ANO4: variants seen among roughly 807,000 people sequenced by gnomAD.
ANO4 encodes the protein anoctamin-4.
In ANO4, 69 loss-of-function variants were observed where a neutral mutation model predicts 141.9. The ratio of observed to expected loss-of-function variants is 0.49; its 90% CI spans 0.40 to 0.59. The LOEUF is 0.59. Ranked by LOEUF, ANO4 falls within the 20% of genes least tolerant of loss-of-function variation. The pLI is 0.00. For synonymous variants in ANO4, 350 were observed against 394.3 expected, an observed-to-expected ratio of 0.89 and a Z score of 1.33; for missense variants, 894 against 1,162.2, an observed-to-expected ratio of 0.77 and a Z score of 3.36.
At chr12:101,043,006 A>T (rs1593105921) in intron 12 of ANO4, among the ~76,000 whole-genome samples, 1 of 152,230 alleles carries the variant, frequency 6.6e-6, no homozygotes, top group South Asian at 2.1e-4. Context: ...TTTAAATGTG[A>T]TTGCAAAAAT....
chr12:101,079,647 A>G (rs996303025), intron 15 of ANO4, among the ~76,000 whole-genome samples: 1 of 152,102 alleles, frequency 6.6e-6, no homozygotes, highest in Non-Finnish European at 1.5e-5. Context: ...CTTCCAAGAG[A>G]ATTACCCAAA....
chr12:100,927,301 G>A (rs1341633671), intron 3 of ANO4, among the ~76,000 whole-genome samples: 1 of 152,122 alleles, frequency 6.6e-6, no homozygotes, highest in Non-Finnish European at 1.5e-5. Context: ...GATAGATTTA[G>A]TTTGATGCAA....
chr12:100,834,820 T>C (rs1438545350), intron 1 of ANO4, among the ~76,000 whole-genome samples: 1 of 152,048 alleles, frequency 6.6e-6, no homozygotes. Flanking sequence ...CAAAAACTGA[T>C]GGATGTGAGG....
At chr12:101,105,541 A>G (rs940250789) in intron 22 of ANO4, among the ~76,000 whole-genome samples, 3 of 152,342 alleles carry the variant, frequency 2.0e-5, no homozygotes, top group Non-Finnish European at 4.4e-5. Context: ...CCCTTGATCT[A>G]GAGCCTCTAC....
At chr12:101,088,303 T>A (rs993285329) in intron 17 of ANO4, among the ~76,000 whole-genome samples, 11 of 152,160 alleles carry the variant, frequency 7.2e-5, no homozygotes, top group Non-Finnish European at 1.6e-4. Flanking sequence ...CCAGTCTTTG[T>A]TCAAATGTCA....
chr12:101,080,366 G>T (rs545638933), intron 15 of ANO4, among the ~76,000 whole-genome samples: 116 of 152,166 alleles, frequency 7.6e-4, no homozygotes, highest in Non-Finnish European at 9.7e-4. Flanking sequence ...GGTTTGGTTT[G>T]GTTTGGTTTT....
At chr12:101,015,769 A>G (rs1421792094) in intron 8 of ANO4, among the ~76,000 whole-genome samples, 2 of 152,112 alleles carry the variant, frequency 1.3e-5, no homozygotes, top group African/African-American at 2.4e-5. Context: ...TTACAAGCCA[A>G]TGTGAAGCCC....
Position 101,121,268 on chromosome 12 carries a change from C to G in ANO4, c.2676+643C>G, listed in dbSNP as rs571946950. Among the ~76,000 whole-genome samples, 293 of 151,214 alleles carry G rather than the reference C, an allele frequency of 1.9e-3. 2 individuals carry two copies. Among genetic ancestry groups the G allele is most frequent in the African/African-American group, 6.8e-3 (278 of 40,600 alleles). The stretch of plus-strand genomic sequence containing the variant: ...AGTCCCCAGTGTCTGTTGTTCTCAT[C>G]TTTATGTCCATGTGTACCCAGTGTT... On this transcript the variant is annotated intron_variant, in intron 26 of 27. Coordinates refer to ENST00000392977, the MANE Select transcript of ANO4 (RefSeq NM_001286615.2).
chr12:100,847,471 G>T (rs2037625688), intron 1 of ANO4, among the ~76,000 whole-genome samples: 1 of 66,086 alleles, frequency 1.5e-5, no homozygotes, highest in African/African-American at 6.0e-5. Flanking sequence ...TGGTGGCCAA[G>T]ATAATTTTTT....
intron 2 of ANO4, among the ~76,000 whole-genome samples, chr12:100,918,913 C>T (rs190816399): frequency 2.3e-4 from 35 of 152,088 alleles, no homozygotes; most frequent in South Asian, 2.3e-3. Context: ...CATGTTATTG[C>T]CCCTAAGACC....
intron 2 of ANO4, among the ~76,000 whole-genome samples, chr12:100,905,481 A>G (rs2040803017): frequency 6.6e-6 from 1 of 152,236 alleles, no homozygotes; most frequent in Non-Finnish European, 1.5e-5. Context: ...TCTAGGCTAA[A>G]TGTTATTGAA....
chr12:101,001,381 C>T (rs2045633691), intron 8 of ANO4, among the ~76,000 whole-genome samples: 1 of 152,168 alleles, frequency 6.6e-6, no homozygotes, highest in African/African-American at 2.4e-5. Flanking sequence ...ACTCTGGTGC[C>T]CCATTGGTCA....
chr12:100,835,206 C>A (rs2036843224), intron 1 of ANO4, among the ~76,000 whole-genome samples: 1 of 152,088 alleles, frequency 6.6e-6, no homozygotes, highest in Non-Finnish European at 1.5e-5. Context: ...TCTGTGAGCT[C>A]TTTGAGGGAG....
intron 3 of ANO4, among the ~76,000 whole-genome samples, chr12:100,765,379 C>CTTTTTT (rs71091461): frequency 5.4e-4 from 68 of 125,342 alleles, no homozygotes; most frequent in Non-Finnish European, 6.8e-4. Flanking sequence ...TTCTTTCTTT[C>CTTTTTT]TTTTTTTTTT....
At chr12:100,798,744 A>G (rs1245958352) in intron 1 of ANO4, among the ~76,000 whole-genome samples, 1 of 152,236 alleles carries the variant, frequency 6.6e-6, no homozygotes, top group African/African-American at 2.4e-5. Flanking sequence ...CATTCTTCCT[A>G]TGTTTAGCAT....
chr12:100,996,310 A>G (rs1333238329), intron 8 of ANO4, among the ~76,000 whole-genome samples: 2 of 152,248 alleles, frequency 1.3e-5, no homozygotes, highest in Non-Finnish European at 2.9e-5. Context: ...GAGAATAACA[A>G]AATGACATAG....
intron 8 of ANO4, among the ~76,000 whole-genome samples, chr12:101,017,923 A>G (rs2046377482): frequency 6.6e-6 from 1 of 152,218 alleles, no homozygotes; most frequent in Admixed American, 6.5e-5. Flanking sequence ...AAGAAAAACA[A>G]AAATTTGAAG....
At chr12:100,973,738 G>C (rs1359557986) in intron 6 of ANO4, among the ~76,000 whole-genome samples, 2 of 152,150 alleles carry the variant, frequency 1.3e-5, no homozygotes, top group Non-Finnish European at 2.9e-5. Flanking sequence ...GTTTACTCTA[G>C]GGTTGACTCT....
intron 14 of ANO4, among the ~76,000 whole-genome samples, chr12:101,073,981 T>G (rs1593197210): frequency 6.6e-6 from 1 of 152,154 alleles, no homozygotes; most frequent in African/African-American, 2.4e-5. Flanking sequence ...AAACTCTGTC[T>G]TGTAAATACA....
Sources: allele counts gnomAD v4.1 joint callset (sites outside exome capture counted in the v4.1 genomes callset), GRCh38; gene constraint gnomAD v4.1.1; transcripts MANE v1.5; gene names NCBI Gene and HGNC (gene_info 2026-07-23, HGNC 2026-07-21).